The following KCNQ1 variants were observed in gnomAD, a reference collection of about 807,000 sequenced individuals.
KCNQ1 encodes the protein potassium voltage-gated channel subfamily KQT member 1.
A neutral mutation model predicts 72.4 loss-of-function variants in KCNQ1; 49 were observed. The observed-to-expected ratio is 0.68, with a 90% CI of 0.54 to 0.86. KCNQ1 has a LOEUF of 0.86. Ranked by LOEUF, KCNQ1 falls within the 40% of genes least tolerant of loss-of-function variation. The pLI is 0.00. For synonymous variants in KCNQ1, 450 were observed against 412.6 expected (o/e 1.09, Z -1.10); for missense variants, 790 against 945.1 (o/e 0.84, Z 2.15).
chr11:2,760,440 T>C (rs463535), intron 11 of KCNQ1, among the ~76,000 whole-genome samples: 131,166 of 152,236 alleles, frequency 0.86, 56,687 homozygotes, highest in East Asian at 0.94. Context: ...AGTGGGTGCA[T>C]GAATGAGTGA....
intron 11 of KCNQ1, among the ~76,000 whole-genome samples, chr11:2,756,163 C>T (rs550212242): frequency 1.1e-4 from 16 of 152,146 alleles, no homozygotes; most frequent in African/African-American, 2.9e-4. Flanking sequence ...CCAGCAGTCC[C>T]ATATCTGGGC....
chr11:2,680,384 G>A (rs1463873117), intron 11 of KCNQ1: 2 of 398,084 alleles, frequency 5.0e-6, no homozygotes, highest in Non-Finnish European at 8.8e-6. Context: ...CAAATCCATT[G>A]CAACATCCTT....
Position 2,541,495 on chromosome 11 carries a change from G to A in KCNQ1, c.477+13477G>A, listed in dbSNP as rs1847822518. Among the ~76,000 whole-genome samples the A allele has an allele frequency of 6.6e-6, 1 of 152,036 alleles. No individual in the cohort carries two copies. Among genetic ancestry groups the A allele is most frequent in the African/African-American group, 2.4e-5 (1 of 41,382 alleles). Reference sequence around the variant, plus strand: ...GGGACTGAGCTGGGCCCTTTTCGTTGGTTAGTTCTCAGTGTGGCCTACCCA... The same window carrying A: ...GGGACTGAGCTGGGCCCTTTTCGTTAGTTAGTTCTCAGTGTGGCCTACCCA... On this transcript the variant is annotated intron_variant, in intron 2 of 15. Coordinates refer to ENST00000155840, the MANE Select transcript of KCNQ1 (RefSeq NM_000218.3). The surrounding 1 kb of genome is among the most constrained non-coding windows in gnomAD (Gnocchi z 4.8).
intron 10 of KCNQ1, chr11:2,660,456 A>C (rs1194689846): frequency 2.5e-6 from 1 of 398,538 alleles, no homozygotes; most frequent in Admixed American, 4.4e-5. Context: ...AAGCAACATA[A>C]TTCAGGTGAA....
intron 1 of KCNQ1, among the ~76,000 whole-genome samples, chr11:2,506,772 A>G (rs1847112132): frequency 6.6e-6 from 1 of 152,188 alleles, no homozygotes; most frequent in Admixed American, 6.5e-5. Flanking sequence ...CTGTCACACC[A>G]CTTTTTGCCA....
chr11:2,665,077 C>T (rs540003368), intron 11 of KCNQ1: 6 of 398,402 alleles, frequency 1.5e-5, no homozygotes, highest in Admixed American at 8.8e-5. Context: ...AGCTGAGGCA[C>T]GGGGTACCCA....
rs1156755491 is a variant in KCNQ1 at position 2,784,132 on chromosome 11, T to C, written c.1794+6095T>C. Among the ~76,000 whole-genome samples the C allele has an allele frequency of 6.6e-6, 1 of 152,006 alleles. No homozygotes were observed. Among genetic ancestry groups the C allele is most frequent in the African/African-American group, 2.4e-5 (1 of 41,464 alleles). ...TTTTCCTTCTAGAAGTTGTATAGAA[T>C]TAGCTCTTACATTTCGGTCTATATT... On this transcript the variant is annotated intron_variant, in intron 15 of 15. Transcript: ENST00000155840. This position sits in a 1 kb window ranked among gnomAD's most constrained non-coding sequence, Gnocchi z 4.7.
intron 1 of KCNQ1, among the ~76,000 whole-genome samples, chr11:2,476,548 A>G (rs941999829): frequency 6.6e-6 from 1 of 152,160 alleles, no homozygotes; most frequent in Non-Finnish European, 1.5e-5. Context: ...AGGAAAACAG[A>G]CTTGAGGGTT....
chr11:2,615,370 G>T (rs892534718), intron 10 of KCNQ1: 1 of 397,762 alleles, frequency 2.5e-6, no homozygotes, highest in African/African-American at 2.1e-5. Flanking sequence ...TTTCCAATTT[G>T]GATGCTATTC....
Position 2,544,252 on chromosome 11 carries a change from A to ATATATGTGTATATATG in KCNQ1, c.477+16239_477+16240insGTGTATATATGTATAT, listed in dbSNP as rs60763831. Among the ~76,000 whole-genome samples the ATATATGTGTATATATG allele has an allele frequency of 7.4e-6, 1 of 135,294 alleles. No individual in the cohort carries two copies. Among genetic ancestry groups the ATATATGTGTATATATG allele is most frequent in the African/African-American group, 3.2e-5 (1 of 30,806 alleles). The allele number at this position is 135,294 out of a possible 152,430, so 88.8% of individuals were successfully genotyped here. A position where few individuals can be genotyped will look rare whatever the true frequency, so the allele number is the denominator to read the frequency against. On this transcript the variant is annotated intron_variant, in intron 2 of 15. Transcript: ENST00000155840. This position sits in a 1 kb window ranked among gnomAD's most constrained non-coding sequence, Gnocchi z 4.4. ...TATATATATATGTGTGTGTGTGTATATATATATGTGTGTGTGTGTATATAT... is the reference window on the plus strand; with the variant it reads ...TATATATATATGTGTGTGTGTGTATATATATGTGTATATATGTATATATGTGTGTGTGTGTATATAT...
intron 11 of KCNQ1, chr11:2,689,785 G>A: frequency 2.5e-6 from 1 of 398,696 alleles, no homozygotes; most frequent in Non-Finnish European, 4.4e-6. Context: ...GCCTAGGAGG[G>A]GAGGGGAAGC....
chr11:2,835,457 A>G (rs1029624956), intron 15 of KCNQ1, among the ~76,000 whole-genome samples: 9 of 152,092 alleles, frequency 5.9e-5, no homozygotes, highest in Non-Finnish European at 1.2e-4. Flanking sequence ...CTCCTCGGCC[A>G]GTCACCCTAC....
rs1402503686 is a variant in KCNQ1, at chr11:2,603,695, C to T, written c.1393+14841C>T. Among the ~76,000 whole-genome samples, 1 of 151,562 alleles carries T rather than the reference C, an allele frequency of 6.6e-6. No individual in the cohort carries two copies. Among genetic ancestry groups the T allele is most frequent in the Non-Finnish European group, 1.5e-5 (1 of 67,830 alleles). ...TTTCAAGGTTTGTGCTTCAGTGCTT[C>T]TTTTTTTTTCCCCGAGACAGAGTCT... On this transcript the variant is annotated intron_variant, in intron 10 of 15. Transcript: ENST00000155840. This position sits in a 1 kb window ranked among gnomAD's most constrained non-coding sequence, Gnocchi z 4.1.
intron 15 of KCNQ1, among the ~76,000 whole-genome samples, chr11:2,823,716 G>A (rs1847785322): frequency 6.6e-6 from 1 of 152,256 alleles, no homozygotes; most frequent in Admixed American, 6.5e-5. Flanking sequence ...TGAGGGAGGT[G>A]TTGTTAGAGA....
rs955183460 is a variant in KCNQ1 at position 2,464,981 on chromosome 11, C to T, written c.386+19497C>T. On this transcript the variant is annotated intron_variant, in intron 1 of 15. Coordinates refer to ENST00000155840, the MANE Select transcript of KCNQ1 (RefSeq NM_000218.3). The surrounding 1 kb of genome is among the most constrained non-coding windows in gnomAD (Gnocchi z 5.0). ...GGCTGGTCCAGTGCAGGGAGCTGCC[C>T]CGGCCGCCCCCGTGGGTGCAGGCCA... 6.6e-6 allele frequency among the ~76,000 whole-genome samples: 1 copy of T among 152,100 alleles called. No individual in the cohort carries two copies. The highest frequency in any genetic ancestry group is 2.4e-5 in the African/African-American group (1 of 41,428).
At chr11:2,650,301 G>T (rs1009024602) in intron 10 of KCNQ1, 4 of 398,304 alleles carry the variant, frequency 1.0e-5, no homozygotes, top group Non-Finnish European at 1.3e-5. Context: ...TGTTCTTTTG[G>T]CAAGTCATGT....
rs1440496350 is a variant in KCNQ1 at position 2,768,751 on chromosome 11, C to T, written c.1515-93C>T. 2.2e-4 allele frequency: 207 copies of T among 935,466 alleles called. No homozygotes were observed. Among genetic ancestry groups the T allele is most frequent in the Non-Finnish European group, 2.7e-5 (15 of 563,950 alleles). The allele number at this position is 935,466 out of a possible 1,614,324, so 57.9% of individuals were successfully genotyped here. On this transcript the variant is annotated intron_variant, in intron 11 of 15. Coordinates refer to ENST00000155840, the MANE Select transcript of KCNQ1 (RefSeq NM_000218.3). This position sits in a 1 kb window ranked among gnomAD's most constrained non-coding sequence, Gnocchi z 6.7. ...CACTCTCCTTGTTTCTGGAAGGATC[C>T]AGTCTGCGTGCTCCTCAGGCAGTGC...
intron 2 of KCNQ1, among the ~76,000 whole-genome samples, chr11:2,545,093 A>G (rs1038116080): frequency 6.6e-6 from 1 of 152,210 alleles, no homozygotes; most frequent in African/African-American, 2.4e-5. Context: ...TGATAATTAC[A>G]CTGATTCATT....
chr11:2,636,987 T>C (rs1341722338), intron 10 of KCNQ1: 2 of 152,250 alleles, frequency 1.3e-5, no homozygotes, highest in South Asian at 2.1e-4. Context: ...GTGTTTATAG[T>C]ATTCTCTGAT....
Sources: allele counts gnomAD v4.1 joint callset (sites outside exome capture counted in the v4.1 genomes callset), GRCh38; gene constraint gnomAD v4.1.1; non-coding constraint Gnocchi (gnomAD v3.1); transcripts MANE v1.5; gene names NCBI Gene and HGNC (gene_info 2026-07-23, HGNC 2026-07-21).